The following SERGEF variants were observed in gnomAD, a reference collection of about 807,000 sequenced individuals.
SERGEF encodes the protein secretion-regulating guanine nucleotide exchange factor.
In SERGEF, 51 loss-of-function variants were observed where a neutral mutation model predicts 50.0. That is an observed-to-expected ratio of 1.02 (90% CI 0.81 to 1.29). The LOEUF (loss-of-function observed/expected upper bound fraction) is 1.29, where lower values mean the gene tolerates loss of function less well. Ranked by LOEUF, SERGEF falls within the 50% of genes most tolerant of loss-of-function variation. The probability of loss-of-function intolerance (pLI) is 0.00; values close to 1 mark genes in which losing one functional copy is unlikely to be tolerated. For missense variants in SERGEF, 521 were observed against 557.0 expected (o/e 0.94, Z 0.65); for synonymous variants, 205 against 212.4 (o/e 0.97, Z 0.30).
chr11:17,837,820 C>T (rs191555348), intron 10 of SERGEF, among the ~76,000 whole-genome samples: 6 of 151,974 alleles, frequency 3.9e-5, no homozygotes, highest in East Asian at 1.9e-4. Flanking sequence ...GCTGCCACCA[C>T]GCCCGGCTAA....
intron 9 of SERGEF, among the ~76,000 whole-genome samples, chr11:17,957,356 A>C (rs1279530249): frequency 6.6e-6 from 1 of 152,230 alleles, no homozygotes; most frequent in African/African-American, 2.4e-5. Flanking sequence ...TATCCTTACC[A>C]ATACCAATAC....
intron 9 of SERGEF, among the ~76,000 whole-genome samples, chr11:17,878,659 A>G (rs1469917950): frequency 6.6e-6 from 1 of 152,234 alleles, no homozygotes; most frequent in Non-Finnish European, 1.5e-5. Flanking sequence ...TAAAATGAGC[A>G]AAGAATTCAG....
chr11:17,836,223 A>G (rs559734511), intron 10 of SERGEF, among the ~76,000 whole-genome samples: 9 of 152,366 alleles, frequency 5.9e-5, no homozygotes, highest in African/African-American at 1.9e-4. Context: ...TTAGCCCAGC[A>G]CATTTTATCC....
rs148992835 is a variant in SERGEF at position 17,984,345 on chromosome 11, C to T, written c.844+4252G>A. ...ATCATGGTGGAAGAGGAAGCGGGAG[C>T]TTGGACATCATCTGACAAGAGCAGG... On this transcript the variant is annotated intron_variant, in intron 8 of 10. Transcript: ENST00000265965. 5.1e-4 allele frequency among the ~76,000 whole-genome samples: 78 copies of T among 152,256 alleles called. 1 individual carries two copies. The East Asian group carries it at 0.013, about 26-fold the overall frequency.
intron 9 of SERGEF, among the ~76,000 whole-genome samples, chr11:17,946,181 C>G (rs1474535569): frequency 6.6e-6 from 1 of 152,108 alleles, no homozygotes; most frequent in Non-Finnish European, 1.5e-5. Context: ...GAGTCAATAT[C>G]AGAGATGAAA....
At chr11:17,793,876 G>A (rs1306852102) in intron 10 of SERGEF, among the ~76,000 whole-genome samples, 6 of 152,220 alleles carry the variant, frequency 3.9e-5, no homozygotes, top group Non-Finnish European at 7.3e-5. Context: ...CACCACACTT[G>A]CGTCAGCCTA....
At chr11:17,821,838 G>T (rs923355853) in intron 10 of SERGEF, among the ~76,000 whole-genome samples, 1 of 152,170 alleles carries the variant, frequency 6.6e-6, no homozygotes, top group African/African-American at 2.4e-5. Flanking sequence ...AGAGTAATGT[G>T]ATTTACTGCT....
intron 9 of SERGEF, among the ~76,000 whole-genome samples, chr11:17,910,572 A>G (rs1392145251): frequency 6.6e-6 from 1 of 152,180 alleles, no homozygotes; most frequent in African/African-American, 2.4e-5. Context: ...GTTTGTTTTA[A>G]TAAGCTAAAT....
At chr11:17,806,260 C>T (rs1034559123) in intron 10 of SERGEF, among the ~76,000 whole-genome samples, 6 of 152,124 alleles carry the variant, frequency 3.9e-5, no homozygotes, top group Non-Finnish European at 2.9e-5. Context: ...ATTTGGGTAC[C>T]TTATGTATGC....
In SERGEF at chr11:17,962,097, G is replaced by A. The variant is rs554333252; in HGVS notation, c.845-2461C>T. On this transcript the variant is annotated intron_variant, in intron 8 of 10. Coordinates refer to ENST00000265965, the MANE Select transcript of SERGEF (RefSeq NM_012139.4). ...TTAAACCTGTGTCTTCTGACTCCAG[G>A]GCCAGTGGTATCTCCAATGATTGCA... Among the ~76,000 whole-genome samples the A allele has an allele frequency of 3.3e-5, 5 of 152,230 alleles. No individual in the cohort carries two copies. In the South Asian group the frequency reaches 1.0e-3, roughly 32 times the overall value.
Position 17,960,295 on chromosome 11 carries a change from G to T in SERGEF, c.845-659C>A, listed in dbSNP as rs190405771. Among the ~76,000 whole-genome samples the T allele has an allele frequency of 1.3e-3, 201 of 152,256 alleles. 1 individual carries two copies. Among genetic ancestry groups the T allele is most frequent in the African/African-American group, 4.7e-3 (196 of 41,546 alleles). ...AGCCAGAAAAGCATTTAGTCCCCCA[G>T]ATGCACCACATGGGAAGCTGGCCAG... On this transcript the variant is annotated intron_variant, in intron 8 of 10. Transcript: ENST00000265965.
intron 1 of SERGEF, among the ~76,000 whole-genome samples, chr11:18,010,615 A>G (rs1046629679): frequency 2.6e-5 from 4 of 152,154 alleles, no homozygotes; most frequent in Admixed American, 6.5e-5. Flanking sequence ...GAGCATCCCC[A>G]TATCACTCAT....
chr11:17,971,781 T>A (rs1021092550), intron 8 of SERGEF, among the ~76,000 whole-genome samples: 7 of 152,352 alleles, frequency 4.6e-5, no homozygotes, highest in Admixed American at 3.3e-4. Flanking sequence ...AAGCTATAGC[T>A]GCCATAGATA....
intron 10 of SERGEF, among the ~76,000 whole-genome samples, chr11:17,828,899 G>T (rs1477258882): frequency 6.6e-6 from 1 of 152,076 alleles, no homozygotes; most frequent in Non-Finnish European, 1.5e-5. Flanking sequence ...TCCGTAAAAT[G>T]GGAACAAGGC....
chr11:17,824,072 C>T (rs1385012521), intron 10 of SERGEF, among the ~76,000 whole-genome samples: 2 of 152,110 alleles, frequency 1.3e-5, no homozygotes, highest in African/African-American at 2.4e-5. Context: ...GAGGCCGAGG[C>T]GGGCGGATCA....
At chr11:17,853,208 A>G (rs1257286569) in intron 10 of SERGEF, among the ~76,000 whole-genome samples, 1 of 152,070 alleles carries the variant, frequency 6.6e-6, no homozygotes, top group East Asian at 1.9e-4. Flanking sequence ...AAAAAAAAAT[A>G]CCATACATGA....
At chr11:17,892,342 T>C (rs1404275035) in intron 9 of SERGEF, among the ~76,000 whole-genome samples, 1 of 152,178 alleles carries the variant, frequency 6.6e-6, no homozygotes, top group Non-Finnish European at 1.5e-5. Context: ...AAAAATCATT[T>C]GTATATTTAT....
intron 10 of SERGEF, among the ~76,000 whole-genome samples, chr11:17,832,263 T>G (rs764210121): frequency 1.1e-4 from 17 of 152,268 alleles, no homozygotes; most frequent in Non-Finnish European, 1.9e-4. Context: ...AGTCAATAAG[T>G]CTCATGAGAT....
chr11:17,891,432 T>A (rs1031218632), intron 9 of SERGEF, among the ~76,000 whole-genome samples: 5 of 152,184 alleles, frequency 3.3e-5, no homozygotes, highest in Non-Finnish European at 5.9e-5. Flanking sequence ...CACATCATAT[T>A]TGGAGAGCTG....
Sources: allele counts gnomAD v4.1 joint callset (sites outside exome capture counted in the v4.1 genomes callset), GRCh38; gene constraint gnomAD v4.1.1; transcripts MANE v1.5; gene names NCBI Gene and HGNC (gene_info 2026-07-23, HGNC 2026-07-21).